Variants in DOCK1 observed in about 807,000 individuals in gnomAD.
The protein encoded by DOCK1 is dedicator of cytokinesis protein 1.
A neutral mutation model predicts 262.7 loss-of-function variants in DOCK1; 138 were observed. The ratio of observed to expected loss-of-function variants is 0.53; its 90% CI spans 0.46 to 0.61. The LOEUF (loss-of-function observed/expected upper bound fraction) is 0.61. Among genes scored for constraint, DOCK1 ranks in the 20% least tolerant of loss-of-function variants. The probability of loss-of-function intolerance (pLI) is 0.00; values close to 1 mark genes in which losing one functional copy is unlikely to be tolerated. For missense variants in DOCK1, 1,908 were observed against 2,370.7 expected, an observed-to-expected ratio of 0.80 and a Z score of 4.05; for synonymous variants, 866 against 867.4, an observed-to-expected ratio of 1.00 and a Z score of 0.03.
chr10:127,362,934 TCC>T (rs1182560149), intron 33 of DOCK1, among the ~76,000 whole-genome samples: 19 of 11,656 alleles, frequency 1.6e-3, no homozygotes, highest in Admixed American at 5.0e-3. Flanking sequence ...CACATGCACA[TCC>T]CCCCACACAC....
intron 12 of DOCK1, among the ~76,000 whole-genome samples, chr10:127,015,703 C>T (rs1565066953): frequency 6.6e-6 from 1 of 152,202 alleles, no homozygotes; most frequent in Non-Finnish European, 1.5e-5. Flanking sequence ...CTCCCACCCT[C>T]CATAGTGGCA....
chr10:127,346,008 G>A (rs10764977), intron 31 of DOCK1, among the ~76,000 whole-genome samples: 63,093 of 151,860 alleles, frequency 0.42, 13,770 homozygotes, highest in Middle Eastern at 0.53. Flanking sequence ...TTCAGCACGC[G>A]CCCCTTGTTG....
chr10:127,255,989 G>A (rs557409361), intron 28 of DOCK1, among the ~76,000 whole-genome samples: 2 of 152,296 alleles, frequency 1.3e-5, no homozygotes, highest in East Asian at 1.9e-4. Context: ...GGATGCTCCC[G>A]CTCCTGAGAG....
rs1027191716 is a variant in DOCK1 at position 126,995,916 on chromosome 10, T to C, written c.474-832T>C. On this transcript the variant is annotated intron_variant, in intron 6 of 51. Transcript: ENST00000623213. The surrounding 1 kb of genome is among the most constrained non-coding windows in gnomAD (Gnocchi z 5.8). ...AAGGGGAGACATGCAGGGATCCCTA[T>C]TGGGGTCAGTGGGGAGTAAAAAGGT... Among the ~76,000 whole-genome samples the C allele has an allele frequency of 2.0e-5, 3 of 152,246 alleles. No individual in the cohort carries two copies. Among genetic ancestry groups the C allele is most frequent in the Non-Finnish European group, 2.9e-5 (2 of 68,020 alleles).
intron 27 of DOCK1, among the ~76,000 whole-genome samples, chr10:127,224,720 A>G (rs895874670): frequency 2.0e-5 from 3 of 151,612 alleles, no homozygotes; most frequent in Non-Finnish European, 4.4e-5. Flanking sequence ...ACCCTGTCTC[A>G]AAAAAAAGAA....
intron 19 of DOCK1, among the ~76,000 whole-genome samples, chr10:127,038,101 C>T (rs901368946): frequency 2.0e-5 from 3 of 151,888 alleles, no homozygotes; most frequent in Non-Finnish European, 2.9e-5. Flanking sequence ...GGTGTGGTGG[C>T]GCATGCCTGT....
chr10:127,068,814 C>T (rs2046033556), intron 23 of DOCK1, among the ~76,000 whole-genome samples: 1 of 152,226 alleles, frequency 6.6e-6, no homozygotes, highest in Non-Finnish European at 1.5e-5. Context: ...CACACACACA[C>T]ACTTTTACAG....
chr10:126,981,227 G>T (rs192244570), intron 3 of DOCK1, among the ~76,000 whole-genome samples: 169 of 152,194 alleles, frequency 1.1e-3, no homozygotes, highest in African/African-American at 3.8e-3. Context: ...GGATTACATC[G>T]TGCCTGGCCT....
Position 127,408,951 on chromosome 10 carries a change from G to A in DOCK1, c.4123-86G>A. 4 of 1,450,414 alleles carry A rather than the reference G, an allele frequency of 2.8e-6. No individual in the cohort carries two copies. In the East Asian group the frequency reaches 7.5e-5, roughly 27 times the overall value. 89.8% of individuals were successfully genotyped at this position (1,450,414 alleles called of 1,614,324 possible). ...AATGACATTTTGTAAGAACCCGTAA[G>A]GCATATTTTAAGGCCAGCATATTGC... On this transcript the variant is annotated intron_variant, in intron 40 of 51. Transcript: ENST00000623213.
At chr10:127,179,324 CTG>C (rs1390852605) in intron 27 of DOCK1, among the ~76,000 whole-genome samples, 1 of 152,194 alleles carries the variant, frequency 6.6e-6, no homozygotes, top group African/African-American at 2.4e-5. Context: ...AAGCTCTTCT[CTG>C]TTTTATAGAG....
rs181520833 is a variant in DOCK1, at chr10:127,208,098, C to T, written c.2848-39910C>T. Among the ~76,000 whole-genome samples the T allele has an allele frequency of 3.9e-5, 6 of 152,292 alleles. No individual in the cohort carries two copies. In the East Asian group the frequency reaches 1.2e-3, roughly 29 times the overall value. ...CTGGCAGGGGATATGGTGAAGGGGCCATTCATCTGTTAGTATTTGAGTAAG... is the reference window on the plus strand; with the variant it reads ...CTGGCAGGGGATATGGTGAAGGGGCTATTCATCTGTTAGTATTTGAGTAAG... On this transcript the variant is annotated intron_variant, in intron 27 of 51. Transcript: ENST00000623213.
chr10:126,941,572 C>A (rs1037626836), intron 1 of DOCK1, among the ~76,000 whole-genome samples: 4 of 152,070 alleles, frequency 2.6e-5, no homozygotes, highest in Non-Finnish European at 5.9e-5. Flanking sequence ...CTGGCTAACA[C>A]GGTGAAACCC....
At chr10:127,183,808 T>A (rs2055962109) in intron 27 of DOCK1, among the ~76,000 whole-genome samples, 1 of 152,172 alleles carries the variant, frequency 6.6e-6, no homozygotes, top group Non-Finnish European at 1.5e-5. Flanking sequence ...AACTGTATAT[T>A]TTATTCCTTA....
chr10:127,103,056 G>A (rs1316423038), intron 23 of DOCK1, among the ~76,000 whole-genome samples: 1 of 152,122 alleles, frequency 6.6e-6, no homozygotes, highest in Non-Finnish European at 1.5e-5. Context: ...ATGGGATGCA[G>A]CCTCTTGCAT....
Position 127,292,535 on chromosome 10 carries a change from G to A in DOCK1, c.3044+35106G>A, listed in dbSNP as rs566944489. Among the ~76,000 whole-genome samples the A allele has an allele frequency of 2.6e-5, 4 of 152,270 alleles. No homozygotes were observed. The South Asian group carries it at 8.3e-4, about 32-fold the overall frequency. On this transcript the variant is annotated intron_variant, in intron 29 of 51. Coordinates refer to ENST00000623213, the MANE Select transcript of DOCK1 (RefSeq NM_001290223.2). The stretch of plus-strand genomic sequence containing the variant: ...GCATGCCTAGGAGAGGAGCAAACAG[G>A]GGCCTTGGGGCTGTGGAGTCATGCT...
At chr10:127,423,379 C>T (rs550510532) in intron 46 of DOCK1, among the ~76,000 whole-genome samples, 4 of 152,178 alleles carry the variant, frequency 2.6e-5, no homozygotes, top group African/African-American at 7.2e-5. Context: ...AAGTCCCAGG[C>T]AGCTCCTCCT....
intron 19 of DOCK1, among the ~76,000 whole-genome samples, chr10:127,040,955 G>A (rs773576691): frequency 6.6e-6 from 1 of 152,008 alleles, no homozygotes; most frequent in African/African-American, 2.4e-5. Context: ...TCTGCTTCCT[G>A]TCTCGATGGA....
At position 126,996,457 on chromosome 10, in the gene DOCK1, C is replaced by CT. The variant is rs574761207; in HGVS notation, c.474-289dup. 2.6e-3 allele frequency among the ~76,000 whole-genome samples: 386 copies of CT among 149,716 alleles called. 1 individual carries two copies. The highest frequency in any genetic ancestry group is 8.5e-3 in the African/African-American group (348 of 40,830). The stretch of plus-strand genomic sequence containing the variant: ...ATAATAATTAGTAATACATACTTCA[C>CT]TTGGGCCTTGTAGATCTGTAAAACT... On this transcript the variant is annotated intron_variant, in intron 6 of 51. Coordinates refer to ENST00000623213, the MANE Select transcript of DOCK1 (RefSeq NM_001290223.2).
At chr10:127,171,239 A>G (rs1200123043) in intron 27 of DOCK1, among the ~76,000 whole-genome samples, 2 of 152,226 alleles carry the variant, frequency 1.3e-5, no homozygotes, top group Non-Finnish European at 2.9e-5. Flanking sequence ...ATAATTTGGA[A>G]GCTACTGAGA....
Sources: allele counts gnomAD v4.1 joint callset (sites outside exome capture counted in the v4.1 genomes callset), GRCh38; gene constraint gnomAD v4.1.1; non-coding constraint Gnocchi (gnomAD v3.1); transcripts MANE v1.5; gene names NCBI Gene and HGNC (gene_info 2026-07-23, HGNC 2026-07-21).